PDZRN3: variants seen among roughly 807,000 people sequenced by gnomAD.
PDZRN3 encodes the protein E3 ubiquitin-protein ligase PDZRN3.
Under a neutral mutation model 85.7 loss-of-function variants are expected in PDZRN3, and 38 were observed. The ratio of observed to expected loss-of-function variants is 0.44; its 90% CI spans 0.34 to 0.58. The LOEUF is 0.58. Among genes scored for constraint, PDZRN3 ranks in the 20% least tolerant of loss-of-function variants. The pLI is 0.01. For missense variants in PDZRN3, 1,629 were observed against 1,506.4 expected, an observed-to-expected ratio of 1.08 and a Z score of -1.35; for synonymous variants, 759 against 638.0, an observed-to-expected ratio of 1.19 and a Z score of -2.86.
intron 3 of PDZRN3, among the ~76,000 whole-genome samples, chr3:73,577,841 A>G (rs1171243220): frequency 2.0e-5 from 3 of 152,186 alleles, no homozygotes; most frequent in Admixed American, 2.0e-4. Context: ...AGTTTAATGG[A>G]CTATGGCCCT....
intron 3 of PDZRN3, among the ~76,000 whole-genome samples, chr3:73,593,602 C>G (rs1702391669): frequency 6.6e-6 from 1 of 151,962 alleles, no homozygotes; most frequent in South Asian, 2.1e-4. Context: ...TGTTAAGTGA[C>G]TTTTAAAAGG....
intron 3 of PDZRN3, among the ~76,000 whole-genome samples, chr3:73,560,936 T>C (rs961344188): frequency 2.0e-5 from 3 of 152,142 alleles, no homozygotes; most frequent in Non-Finnish European, 4.4e-5. Flanking sequence ...GTCTAGATGG[T>C]AATGGTCAGA....
chr3:73,464,919 T>C (rs969958978), intron 3 of PDZRN3, among the ~76,000 whole-genome samples: 1 of 152,210 alleles, frequency 6.6e-6, no homozygotes, highest in Non-Finnish European at 1.5e-5. Flanking sequence ...ATACAATATA[T>C]TGTTATGTAG....
chr3:73,479,567 G>A (rs375162693), intron 3 of PDZRN3, among the ~76,000 whole-genome samples: 5 of 152,190 alleles, frequency 3.3e-5, no homozygotes, highest in Admixed American at 2.0e-4. Flanking sequence ...AGCCAATCAC[G>A]ATTTGTGCTG....
chr3:73,595,589 T>TC (rs1702419980), intron 3 of PDZRN3, among the ~76,000 whole-genome samples: 1 of 152,164 alleles, frequency 6.6e-6, no homozygotes, highest in Non-Finnish European at 1.5e-5. Flanking sequence ...TTACAGCATA[T>TC]TTTTTCTCCA....
At position 73,421,926 on chromosome 3, in the gene PDZRN3, C is replaced by T. The variant is rs774805476; in HGVS notation, c.919-17531G>A. The stretch of plus-strand genomic sequence containing the variant: ...CCTCCCAAAGTGCTGGGATTACAGG[C>T]GTGAGCCACCGTGCCTGGTCAAGTA... On this transcript the variant is annotated intron_variant, in intron 3 of 9. Transcript: ENST00000263666. 3.9e-5 allele frequency among the ~76,000 whole-genome samples: 6 copies of T among 152,302 alleles called. No individual in the cohort carries two copies. In the South Asian group the frequency reaches 6.2e-4, roughly 16 times the overall value.
intron 3 of PDZRN3, among the ~76,000 whole-genome samples, chr3:73,596,173 G>C (rs527502309): frequency 5.3e-5 from 8 of 152,118 alleles, no homozygotes; most frequent in Non-Finnish European, 1.0e-4. Context: ...CAAAACTTGG[G>C]ACAATGTGAC....
intron 1 of PDZRN3, among the ~76,000 whole-genome samples, chr3:73,616,951 G>A (rs1702772163): frequency 6.6e-6 from 1 of 152,156 alleles, no homozygotes; most frequent in Non-Finnish European, 1.5e-5. Flanking sequence ...CTAACCACAC[G>A]CAATACACTA....
At chr3:73,589,404 T>C (rs1358386306) in intron 3 of PDZRN3, among the ~76,000 whole-genome samples, 1 of 152,188 alleles carries the variant, frequency 6.6e-6, no homozygotes, top group Non-Finnish European at 1.5e-5. Flanking sequence ...CGAACACTTG[T>C]TATGGGCTTA....
chr3:73,514,520 G>C (rs912754203), intron 3 of PDZRN3, among the ~76,000 whole-genome samples: 2 of 152,026 alleles, frequency 1.3e-5, no homozygotes, highest in Non-Finnish European at 2.9e-5. Context: ...GGGCTTTAAG[G>C]GCCATGAATA....
intron 1 of PDZRN3, among the ~76,000 whole-genome samples, chr3:73,610,291 C>A (rs528807489): frequency 5.8e-4 from 88 of 152,302 alleles, no homozygotes; most frequent in African/African-American, 2.0e-3. Flanking sequence ...TAGTCTCTAT[C>A]AAGTTACTGT....
intron 1 of PDZRN3, 177 bp downstream of exon 1, chr3:73,623,926 C>T: frequency 7.2e-6 from 4 of 558,332 alleles, no homozygotes; most frequent in Non-Finnish European, 1.2e-5. Context: ...AGTGTTCCAC[C>T]TCAGGCAGGT....
intron 3 of PDZRN3, among the ~76,000 whole-genome samples, chr3:73,592,543 G>C (rs534114815): frequency 1.3e-5 from 2 of 152,206 alleles, no homozygotes; most frequent in East Asian, 3.9e-4. Flanking sequence ...CCACTCTCAG[G>C]AGAAAAGGGG....
intron 3 of PDZRN3, among the ~76,000 whole-genome samples, chr3:73,502,178 A>G (rs9871436): frequency 0.98 from 149,452 of 152,298 alleles, 73,400 homozygotes; most frequent in East Asian, 1. Flanking sequence ...AAAATAAGGC[A>G]CTACTTACAC....
chr3:73,427,012 T>G (rs1188233625), intron 3 of PDZRN3, among the ~76,000 whole-genome samples: 1 of 152,192 alleles, frequency 6.6e-6, no homozygotes, highest in African/African-American at 2.4e-5. Context: ...AATTTTGGCA[T>G]ATTCTTTATC....
intron 3 of PDZRN3, among the ~76,000 whole-genome samples, chr3:73,496,714 T>A (rs1391580218): frequency 1.3e-5 from 2 of 152,046 alleles, no homozygotes; most frequent in Non-Finnish European, 2.9e-5. Flanking sequence ...GGTAAAAAAA[T>A]TAAAAAGATA....
chr3:73,607,308 T>C (rs1282351324), intron 2 of PDZRN3, among the ~76,000 whole-genome samples: 2 of 152,242 alleles, frequency 1.3e-5, no homozygotes, highest in Admixed American at 6.5e-5. Flanking sequence ...ATTCGTTTGG[T>C]ACTGTGTACA....
intron 3 of PDZRN3, among the ~76,000 whole-genome samples, chr3:73,470,399 G>T (rs1703312774): frequency 6.6e-6 from 1 of 152,166 alleles, no homozygotes; most frequent in South Asian, 2.1e-4. Context: ...TGAAGTCTGT[G>T]CTATGTGCTA....
At chr3:73,468,486 T>C (rs1703268566) in intron 3 of PDZRN3, among the ~76,000 whole-genome samples, 1 of 151,994 alleles carries the variant, frequency 6.6e-6, no homozygotes, top group South Asian at 2.1e-4. Context: ...ATTTGGAAAT[T>C]ATAGTGACGA....
Sources: gnomAD v4.1 joint callset for allele counts (sites outside exome capture counted in the v4.1 genomes callset) on GRCh38, gnomAD v4.1.1 for gene constraint, MANE v1.5 for transcripts, NCBI Gene and HGNC (gene_info 2026-07-23, HGNC 2026-07-21) for gene names.